Variants in HERPUD2 observed in about 807,000 individuals in gnomAD.
HERPUD2 encodes the protein homocysteine-responsive endoplasmic reticulum-resident ubiquitin-like domain member 2 protein.
In HERPUD2, 13 loss-of-function variants were observed where a neutral mutation model predicts 49.9. The ratio of observed to expected loss-of-function variants is 0.26; its 90% CI spans 0.17 to 0.41. HERPUD2 has a LOEUF of 0.41. Ranked by LOEUF, HERPUD2 falls within the 10% of genes least tolerant of loss-of-function variation. HERPUD2 has a pLI of 1.00. For missense variants in HERPUD2, 449 were observed against 492.2 expected (o/e 0.91, Z 0.83); for synonymous variants, 172 against 171.4 (o/e 1.00, Z -0.03).
At chr7:35,649,828 T>C (rs1299656406) in intron 5 of HERPUD2, among the ~76,000 whole-genome samples, 1 of 151,992 alleles carries the variant, frequency 6.6e-6, no homozygotes, top group East Asian at 1.9e-4. Context: ...AGACTTAAGG[T>C]CTGTGTTGAT....
intron 5 of HERPUD2, among the ~76,000 whole-genome samples, chr7:35,645,731 C>A: frequency 6.6e-6 from 1 of 152,200 alleles, no homozygotes; most frequent in East Asian, 1.9e-4. Flanking sequence ...TGAGGACTTA[C>A]TGCATAGAAA....
At chr7:35,689,199 G>A (rs149149521) in intron 2 of HERPUD2, among the ~76,000 whole-genome samples, 2 of 152,154 alleles carry the variant, frequency 1.3e-5, no homozygotes, top group East Asian at 1.9e-4. Flanking sequence ...AAGACATAAG[G>A]CTACAAATAC....
Position 35,694,377 on chromosome 7 carries a change from C to T in HERPUD2, c.-47G>A. ...AGTCCAGAGGAGCGGCAGTTAAGCC[C>T]AAAAGAGCCGAGATGGTCACCGCCG... On this transcript the variant is annotated 5_prime_UTR_variant, in exon 2 of 9. Coordinates refer to ENST00000311350, the MANE Select transcript of HERPUD2 (RefSeq NM_022373.5). 1 of 1,610,602 alleles carries T rather than the reference C, an allele frequency of 6.2e-7. No homozygotes were observed. Among genetic ancestry groups the T allele is most frequent in the Non-Finnish European group, 8.5e-7 (1 of 1,177,328 alleles).
At chr7:35,675,196 T>A (rs1193406279) in intron 2 of HERPUD2, among the ~76,000 whole-genome samples, 6 of 152,198 alleles carry the variant, frequency 3.9e-5, no homozygotes, top group Non-Finnish European at 8.8e-5. Context: ...TGGAGAATTA[T>A]CTGCAGAACT....
At chr7:35,675,281 G>T (rs1437876294) in intron 2 of HERPUD2, among the ~76,000 whole-genome samples, 1 of 152,214 alleles carries the variant, frequency 6.6e-6, no homozygotes, top group Non-Finnish European at 1.5e-5. Flanking sequence ...TGCGTGTTGT[G>T]AGAGCATAGT....
intron 5 of HERPUD2, among the ~76,000 whole-genome samples, chr7:35,646,844 A>C (rs1785063003): frequency 6.6e-6 from 1 of 152,182 alleles, no homozygotes; most frequent in Non-Finnish European, 1.5e-5. Context: ...CTGGTGGCAG[A>C]AGTTCTGACA....
intron 5 of HERPUD2, among the ~76,000 whole-genome samples, chr7:35,640,178 G>A (rs566134180): frequency 1.3e-5 from 2 of 152,336 alleles, no homozygotes; most frequent in East Asian, 1.9e-4. Flanking sequence ...GGGAGCTGAT[G>A]CATCTCTGAG....
chr7:35,643,318 CA>C (rs1253522096), intron 5 of HERPUD2, among the ~76,000 whole-genome samples: 1 of 152,136 alleles, frequency 6.6e-6, no homozygotes, highest in Non-Finnish European at 1.5e-5. Flanking sequence ...CAAAATATAA[CA>C]AAAACATGAA....
At chr7:35,655,072 A>G (rs1185960311) in intron 5 of HERPUD2, among the ~76,000 whole-genome samples, 1 of 152,074 alleles carries the variant, frequency 6.6e-6, no homozygotes, top group Non-Finnish European at 1.5e-5. Flanking sequence ...GGCTGGTCTC[A>G]AAACTTCTGG....
intron 5 of HERPUD2, among the ~76,000 whole-genome samples, chr7:35,641,055 T>G (rs532651000): frequency 2.9e-4 from 44 of 152,248 alleles, no homozygotes; most frequent in Middle Eastern, 3.4e-3. Flanking sequence ...GACAACAAAA[T>G]TTAAAGAGAA....
chr7:35,643,597 T>C (rs2115850193), intron 5 of HERPUD2, among the ~76,000 whole-genome samples: 1 of 152,032 alleles, frequency 6.6e-6, no homozygotes, highest in Non-Finnish European at 1.5e-5. Flanking sequence ...TATGTGTGTA[T>C]ACATATATGT....
At chr7:35,657,921 C>CA (rs777981296) in intron 5 of HERPUD2, among the ~76,000 whole-genome samples, 4,597 of 129,030 alleles carry the variant, frequency 0.036, 106 homozygotes, top group African/African-American at 0.076. Flanking sequence ...GACTCTGTCT[C>CA]AAAAAAAAAA....
chr7:35,644,262 A>C (rs949252197), intron 5 of HERPUD2, among the ~76,000 whole-genome samples: 1 of 152,102 alleles, frequency 6.6e-6, no homozygotes, highest in African/African-American at 2.4e-5. Context: ...CCTTTAAAAA[A>C]AAAAAAAAGA....
intron 6 of HERPUD2, among the ~76,000 whole-genome samples, chr7:35,637,522 G>A (rs1784890999): frequency 6.6e-6 from 1 of 152,142 alleles, no homozygotes; most frequent in African/African-American, 2.4e-5. Context: ...TGAATTTGAG[G>A]TAAAGGCTCA....
At chr7:35,659,865 CTTTAT>C (rs1785372058) in intron 5 of HERPUD2, among the ~76,000 whole-genome samples, 1 of 151,362 alleles carries the variant, frequency 6.6e-6, no homozygotes, top group Non-Finnish European at 1.5e-5. Context: ...TCTATTTCAT[CTTTAT>C]TTTTTTTATT....
chr7:35,668,257 T>C (rs1276729871), intron 4 of HERPUD2, among the ~76,000 whole-genome samples: 2 of 152,212 alleles, frequency 1.3e-5, no homozygotes, highest in African/African-American at 2.4e-5. Flanking sequence ...CACCAACAAA[T>C]ATTGCTTTTT....
intron 4 of HERPUD2, among the ~76,000 whole-genome samples, chr7:35,668,069 GC>G (rs1785574088): frequency 1.3e-5 from 2 of 151,510 alleles, no homozygotes; most frequent in Non-Finnish European, 3.0e-5. Context: ...TGAGAAACAG[GC>G]TAGAAATCCT....
intron 5 of HERPUD2, among the ~76,000 whole-genome samples, chr7:35,656,749 C>T (rs1307121855): frequency 6.6e-6 from 1 of 152,070 alleles, no homozygotes; most frequent in Non-Finnish European, 1.5e-5. Context: ...GTGTCAAGAA[C>T]ATACACTGGG....
At chr7:35,694,089 G>C in intron 2 of HERPUD2, 95 bp downstream of exon 2, 2 of 1,328,226 alleles carry the variant, frequency 1.5e-6, no homozygotes, top group Non-Finnish European at 2.1e-6. Flanking sequence ...AGACCTATTT[G>C]ATTCAAGACT....
Sources: gnomAD v4.1 joint callset for allele counts (sites outside exome capture counted in the v4.1 genomes callset) on GRCh38, gnomAD v4.1.1 for gene constraint, MANE v1.5 for transcripts, NCBI Gene and HGNC (gene_info 2026-07-23, HGNC 2026-07-21) for gene names.